SGIP1: variants seen among roughly 807,000 people sequenced by gnomAD.
SGIP1 encodes SH3-containing GRB2-like protein 3-interacting protein 1.
In SGIP1, 38 loss-of-function variants were observed where a neutral mutation model predicts 107.5. The observed-to-expected ratio is 0.35, with a 90% CI of 0.27 to 0.46. The LOEUF (loss-of-function observed/expected upper bound fraction) is 0.46. SGIP1 is among the 20% of genes least tolerant of loss of function. The pLI, the probability that SGIP1 is intolerant of heterozygous loss-of-function variation, is 1.00. For missense variants in SGIP1, 929 were observed against 1,019.5 expected, an observed-to-expected ratio of 0.91 and a Z score of 1.21; for synonymous variants, 365 against 366.1, an observed-to-expected ratio of 1.00 and a Z score of 0.03.
At chr1:66,733,727 T>C (rs1191333992) in intron 20 of SGIP1, 21 bp from the exon 21 acceptor site, 32 of 1,604,116 alleles carry the variant, frequency 2.0e-5, no homozygotes, top group Non-Finnish European at 2.7e-5. Context: ...TACTCAATCA[T>C]TTTTCTTCCC....
chr1:66,543,130 C>G (rs1450852644), intron 1 of SGIP1, among the ~76,000 whole-genome samples: 1 of 152,188 alleles, frequency 6.6e-6, no homozygotes, highest in Admixed American at 6.5e-5. Flanking sequence ...CCAGTGGGCT[C>G]TTTTCAGTAG....
intron 19 of SGIP1, among the ~76,000 whole-genome samples, 174 bp downstream of exon 19, chr1:66,719,579 A>G (rs1453076441): frequency 6.6e-6 from 1 of 152,188 alleles, no homozygotes; most frequent in Admixed American, 6.5e-5. Flanking sequence ...TATTGATTTC[A>G]TGCTTTTAAA....
intron 1 of SGIP1, among the ~76,000 whole-genome samples, chr1:66,590,836 C>T (rs2063498188): frequency 6.7e-6 from 1 of 149,934 alleles, no homozygotes; most frequent in Admixed American, 6.6e-5. Flanking sequence ...CTGCCCCCCT[C>T]AACCTTCCAA....
At chr1:66,627,576 T>TAAC (rs2073177530) in intron 2 of SGIP1, among the ~76,000 whole-genome samples, 1 of 152,210 alleles carries the variant, frequency 6.6e-6, no homozygotes, top group South Asian at 2.1e-4. Context: ...ACAAAGTTAT[T>TAAC]TTTTGTCTAG....
intron 18 of SGIP1, among the ~76,000 whole-genome samples, chr1:66,715,567 T>A (rs932740497): frequency 1.3e-5 from 2 of 152,140 alleles, no homozygotes; most frequent in Admixed American, 1.3e-4. Context: ...GGTCTCTGAC[T>A]TGTGGTTGTG....
At chr1:66,534,049 C>T, upstream of SGIP1, 1 of 473,454 alleles carries the variant, frequency 2.1e-6, no homozygotes. Context: ...TCAGGAGATG[C>T]AGGCTGGCTA....
At chr1:66,576,067 G>C (rs1287076419) in intron 1 of SGIP1, among the ~76,000 whole-genome samples, 3 of 152,198 alleles carry the variant, frequency 2.0e-5, no homozygotes, top group Non-Finnish European at 4.4e-5. Context: ...ATTGCAGCAA[G>C]AGGTCAGAAA....
intron 1 of SGIP1, among the ~76,000 whole-genome samples, chr1:66,588,823 A>G (rs949202325): frequency 7.2e-5 from 11 of 151,732 alleles, no homozygotes; most frequent in Admixed American, 1.3e-4. Context: ...TCTCAGTTGA[A>G]TATCTTCTTG....
intron 1 of SGIP1, among the ~76,000 whole-genome samples, chr1:66,611,790 G>A (rs533711528): frequency 8.7e-4 from 132 of 152,268 alleles, no homozygotes; most frequent in Non-Finnish European, 1.4e-3. Flanking sequence ...GGAGCATCTC[G>A]GAGGATGTTG....
At chr1:66,676,553 G>T (rs755061038) in intron 12 of SGIP1, among the ~76,000 whole-genome samples, 4 of 151,200 alleles carry the variant, frequency 2.6e-5, no homozygotes, top group Non-Finnish European at 5.9e-5. Flanking sequence ...ACCCTTCAAG[G>T]ATAGGAACCA....
intron 1 of SGIP1, among the ~76,000 whole-genome samples, chr1:66,625,196 A>G (rs2072345675): frequency 6.6e-6 from 1 of 152,164 alleles, no homozygotes; most frequent in Non-Finnish European, 1.5e-5. Flanking sequence ...GCAGAAGGAG[A>G]GACATTTGGT....
chr1:66,715,228 T>A (rs2093166517), intron 18 of SGIP1, among the ~76,000 whole-genome samples: 1 of 152,144 alleles, frequency 6.6e-6, no homozygotes, highest in African/African-American at 2.4e-5. Context: ...GAAAATGATA[T>A]GTAGACCAAA....
Position 66,625,900 on chromosome 1 carries a change from A to G in SGIP1, c.64A>G (p.Thr22Ala). 2 of 1,612,502 alleles carry G rather than the reference A, an allele frequency of 1.2e-6. No individual in the cohort carries two copies. The highest frequency in any genetic ancestry group is 1.7e-6 in the Non-Finnish European group (2 of 1,179,026). The change falls in exon 2 of 25, where the codon ACT becomes GCT. Residue 22 changes from threonine to alanine, a missense_variant. By Grantham distance (58) the Thr-to-Ala change is moderately conservative. Coordinates refer to ENST00000371037, the MANE Select transcript of SGIP1 (RefSeq NM_032291.4). ...AFGIRKKEKD[T>A]DSTGSPDRDG... ...TGGAATACGGAAGAAAGAAAAGGAC[A>G]CTGATTCTACGTATGTACTTTAGGA...
chr1:66,594,223 GT>G (rs1437961271), intron 1 of SGIP1, among the ~76,000 whole-genome samples: 1 of 152,092 alleles, frequency 6.6e-6, no homozygotes, highest in Non-Finnish European at 1.5e-5. Context: ...TCATTTTAAT[GT>G]AAAGGTGTGT....
chr1:66,742,436 A>T (rs1017420318), intron 24 of SGIP1, among the ~76,000 whole-genome samples: 2 of 144,238 alleles, frequency 1.4e-5, no homozygotes, highest in Admixed American at 7.0e-5. Flanking sequence ...CCAAATTGGA[A>T]TATAAGTTAT....
At chr1:66,549,536 T>G (rs1311013616) in intron 1 of SGIP1, among the ~76,000 whole-genome samples, 2 of 152,180 alleles carry the variant, frequency 1.3e-5, no homozygotes, top group Non-Finnish European at 1.5e-5. Context: ...AATGACACTA[T>G]GTGTGTGTAG....
chr1:66,553,328 G>A (rs1055647621), intron 1 of SGIP1, among the ~76,000 whole-genome samples: 1 of 152,086 alleles, frequency 6.6e-6, no homozygotes, highest in East Asian at 1.9e-4. Flanking sequence ...TATGCTCACT[G>A]CCTCTTGTTA....
chr1:66,653,535 A>G (rs905290030), intron 7 of SGIP1, among the ~76,000 whole-genome samples: 2 of 152,186 alleles, frequency 1.3e-5, no homozygotes, highest in Non-Finnish European at 2.9e-5. Flanking sequence ...TTTTTCTTGC[A>G]TAAACACAAT....
intron 1 of SGIP1, among the ~76,000 whole-genome samples, chr1:66,622,996 A>G (rs970039473): frequency 5.3e-5 from 8 of 152,204 alleles, no homozygotes; most frequent in Non-Finnish European, 8.8e-5. Flanking sequence ...TTATTCCTAT[A>G]AGATCCTTGA....
Sources: allele counts gnomAD v4.1 joint callset (sites outside exome capture counted in the v4.1 genomes callset), GRCh38; gene constraint gnomAD v4.1.1; transcripts MANE v1.5; gene names NCBI Gene and HGNC (gene_info 2026-07-23, HGNC 2026-07-21).